Variants in SH2D4A observed in about 807,000 individuals in gnomAD.
The protein encoded by SH2D4A is SH2 domain-containing protein 4A.
In SH2D4A, 70 loss-of-function variants were observed where a neutral mutation model predicts 64.7. That is an observed-to-expected ratio of 1.08 (90% CI 0.89 to 1.32). The LOEUF is 1.32. Ranked by LOEUF, SH2D4A falls within the 40% of genes most tolerant of loss-of-function variation. The pLI is 0.00. For missense variants in SH2D4A, 706 were observed against 540.1 expected (o/e 1.31, Z -3.04); for synonymous variants, 268 against 200.7 (o/e 1.34, Z -2.83).
chr8:19,361,170 G>GT, intron 5 of SH2D4A, 33 bp from the exon 6 acceptor site: 3 of 1,342,892 alleles, frequency 2.2e-6, no homozygotes, highest in Non-Finnish European at 3.1e-6. Flanking sequence ...GTTTTGTTTT[G>GT]TTTTTGTTTT....
chr8:19,355,625 C>T (rs191275050), intron 4 of SH2D4A, among the ~76,000 whole-genome samples: 6 of 152,336 alleles, frequency 3.9e-5, no homozygotes, highest in African/African-American at 1.2e-4. Context: ...CTGTCTGGTG[C>T]TGAGCAAGCT....
At chr8:19,372,675 C>G (rs182039145) in intron 7 of SH2D4A, among the ~76,000 whole-genome samples, 1 of 152,260 alleles carries the variant, frequency 6.6e-6, no homozygotes, top group Admixed American at 6.5e-5. Context: ...TTGAGTAGGA[C>G]TTGGAAGTCT....
At chr8:19,368,985 T>C (rs1271990445) in intron 7 of SH2D4A, among the ~76,000 whole-genome samples, 1 of 152,156 alleles carries the variant, frequency 6.6e-6, no homozygotes, top group African/African-American at 2.4e-5. Flanking sequence ...ATGACCTGTA[T>C]TGGGTTGAGG....
intron 4 of SH2D4A, among the ~76,000 whole-genome samples, chr8:19,350,925 T>A (rs2052694296): frequency 6.6e-6 from 1 of 152,164 alleles, no homozygotes; most frequent in Non-Finnish European, 1.5e-5. Flanking sequence ...TTTTCTCGGG[T>A]TTCCATTGTC....
chr8:19,349,595 T>G (rs2052665323), intron 4 of SH2D4A, among the ~76,000 whole-genome samples: 1 of 152,202 alleles, frequency 6.6e-6, no homozygotes, highest in Non-Finnish European at 1.5e-5. Flanking sequence ...CACTTCAAGG[T>G]CAGTTGTTCA....
intron 7 of SH2D4A, among the ~76,000 whole-genome samples, chr8:19,370,021 C>T (rs928280349): frequency 6.6e-6 from 1 of 151,922 alleles, no homozygotes; most frequent in African/African-American, 2.4e-5. Flanking sequence ...CATTTTCATT[C>T]GTCTCAAGAA....
chr8:19,382,505 T>C (rs1192466145), intron 8 of SH2D4A, among the ~76,000 whole-genome samples: 1 of 152,202 alleles, frequency 6.6e-6, no homozygotes, highest in Non-Finnish European at 1.5e-5. Flanking sequence ...TCAACGCTTA[T>C]AAAATAGTCT....
At chr8:19,325,734 A>G (rs924043068) in intron 2 of SH2D4A, among the ~76,000 whole-genome samples, 2 of 152,006 alleles carry the variant, frequency 1.3e-5, no homozygotes, top group African/African-American at 4.8e-5. Context: ...TTCTCTCCTC[A>G]TCTCTAAATA....
At chr8:19,322,990 A>G (rs1018459656) in intron 2 of SH2D4A, among the ~76,000 whole-genome samples, 1 of 152,098 alleles carries the variant, frequency 6.6e-6, no homozygotes, top group East Asian at 1.9e-4. Context: ...ACTTGTTAGT[A>G]ATCTGAAGGC....
chr8:19,329,964 C>T (rs187320834), intron 2 of SH2D4A, among the ~76,000 whole-genome samples: 59 of 152,324 alleles, frequency 3.9e-4, no homozygotes, highest in Admixed American at 2.0e-3. Flanking sequence ...ACCTCAGTGC[C>T]TGACACGTAT....
intron 4 of SH2D4A, among the ~76,000 whole-genome samples, chr8:19,349,441 CAT>C (rs1294443396): frequency 6.6e-5 from 10 of 152,084 alleles, no homozygotes; most frequent in Non-Finnish European, 1.3e-4. Flanking sequence ...AAGAGAAAAA[CAT>C]ATTTCTAGTC....
intron 2 of SH2D4A, among the ~76,000 whole-genome samples, chr8:19,322,448 G>A (rs1408810497): frequency 2.0e-5 from 3 of 151,926 alleles, no homozygotes; most frequent in Non-Finnish European, 4.4e-5. Context: ...AACATCATAG[G>A]CCACCCCTGC....
At position 19,393,520 on chromosome 8, in the gene SH2D4A, G is replaced by C. The variant is rs745457327; in HGVS notation, c.1251G>C (p.Ala417=). ...GVDQLQHATL[A]DLVEYHKEEP... Reference sequence around the variant, plus strand: ...ACCAGCTACAGCATGCCACCTTGGCGGATTTGGTGGAATATCACAAGGTGA... The same window carrying C: ...ACCAGCTACAGCATGCCACCTTGGCCGATTTGGTGGAATATCACAAGGTGA... The change falls in exon 9 of 10, where the codon GCG becomes GCC. Residue 417 remains alanine (A), a synonymous_variant. Transcript: ENST00000265807. The C allele has an allele frequency of 1.3e-5, 21 of 1,614,162 alleles. 1 individual carries two copies. In the Middle Eastern group the frequency reaches 2.5e-3, roughly 191 times the overall value.
intron 4 of SH2D4A, among the ~76,000 whole-genome samples, chr8:19,354,330 C>G (rs1439008632): frequency 6.6e-6 from 1 of 152,134 alleles, no homozygotes; most frequent in African/African-American, 2.4e-5. Context: ...AAATTCTACT[C>G]AAGAACAAGC....
intron 8 of SH2D4A, among the ~76,000 whole-genome samples, chr8:19,378,384 T>C (rs948877621): frequency 6.6e-6 from 1 of 152,220 alleles, no homozygotes; most frequent in Non-Finnish European, 1.5e-5. Flanking sequence ...ACTCTATTTA[T>C]TATGTAAAAG....
At chr8:19,370,871 C>T (rs28883650) in intron 7 of SH2D4A, among the ~76,000 whole-genome samples, 7,426 of 151,904 alleles carry the variant, frequency 0.049, 605 homozygotes, top group African/African-American at 0.17. Context: ...TCCTTTTTAT[C>T]TTTGGTGTAT....
At chr8:19,344,396 C>T (rs2052579654) in intron 4 of SH2D4A, among the ~76,000 whole-genome samples, 1 of 152,190 alleles carries the variant, frequency 6.6e-6, no homozygotes, top group African/African-American at 2.4e-5. Flanking sequence ...CGCCTGCATT[C>T]CTTATGCTTT....
At chr8:19,343,302 G>A (rs894792932) in intron 4 of SH2D4A, among the ~76,000 whole-genome samples, 14 of 152,230 alleles carry the variant, frequency 9.2e-5, no homozygotes, top group African/African-American at 3.4e-4. Flanking sequence ...ACATGCTGGT[G>A]CACACCTGTA....
chr8:19,361,016 G>A, intron 5 of SH2D4A, 187 bp from the exon 6 acceptor site: 1 of 407,478 alleles, frequency 2.5e-6, no homozygotes, highest in Non-Finnish European at 4.5e-6. Context: ...AGCTAGCAAT[G>A]GTCAGTCTTA....
Sources: gnomAD v4.1 joint callset for allele counts (sites outside exome capture counted in the v4.1 genomes callset) on GRCh38, gnomAD v4.1.1 for gene constraint, MANE v1.5 for transcripts, NCBI Gene and HGNC (gene_info 2026-07-23, HGNC 2026-07-21) for gene names.